ADAMTS3: variants seen among roughly 807,000 people sequenced by gnomAD.
ADAMTS3 encodes the protein A disintegrin and metalloproteinase with thrombospondin motifs 3.
In ADAMTS3, 73 loss-of-function variants were observed where a neutral mutation model predicts 129.0. The observed-to-expected ratio is 0.57, with a 90% CI of 0.47 to 0.69. The LOEUF is 0.69. ADAMTS3 is among the 30% of genes least tolerant of loss of function. The probability of loss-of-function intolerance (pLI) is 0.00; values close to 1 mark genes in which losing one functional copy is unlikely to be tolerated. For synonymous variants in ADAMTS3, 477 were observed against 510.8 expected (o/e 0.93, Z 0.89); for missense variants, 1,457 against 1,514.5 (o/e 0.96, Z 0.63).
intron 3 of ADAMTS3, among the ~76,000 whole-genome samples, chr4:72,542,367 C>T (rs1358080884): frequency 1.3e-4 from 20 of 152,052 alleles, no homozygotes; most frequent in Non-Finnish European, 2.1e-4. Context: ...GGTTTCACCA[C>T]GTTAGCCAGG....
At chr4:72,410,197 A>T (rs566334855) in intron 4 of ADAMTS3, among the ~76,000 whole-genome samples, 1 of 152,268 alleles carries the variant, frequency 6.6e-6, no homozygotes, top group East Asian at 1.9e-4. Context: ...TGGGCCTAGG[A>T]AGTCCCTAGG....
intron 3 of ADAMTS3, among the ~76,000 whole-genome samples, chr4:72,531,594 G>C (rs1721043382): frequency 6.6e-6 from 1 of 152,150 alleles, no homozygotes; most frequent in African/African-American, 2.4e-5. Context: ...CCCAAGAAGA[G>C]TGATGGTCCT....
chr4:72,514,580 T>A (rs1419803048), intron 3 of ADAMTS3, among the ~76,000 whole-genome samples: 1 of 152,122 alleles, frequency 6.6e-6, no homozygotes, highest in Non-Finnish European at 1.5e-5. Flanking sequence ...TCTACCAGCT[T>A]TGCCACGTAC....
At chr4:72,567,226 GGAAGA>G (rs1722039488) in intron 2 of ADAMTS3, 143 bp downstream of exon 2, 2 of 786,320 alleles carry the variant, frequency 2.5e-6, no homozygotes, top group Non-Finnish European at 4.0e-6. Flanking sequence ...TCCAGAAAGA[GGAAGA>G]GAAGAACAGA....
intron 4 of ADAMTS3, among the ~76,000 whole-genome samples, chr4:72,408,317 G>T (rs943488798): frequency 6.6e-6 from 1 of 151,978 alleles, no homozygotes; most frequent in Non-Finnish European, 1.5e-5. Context: ...TCTGAAGACA[G>T]AGGGTAGTGA....
At chr4:72,431,829 A>G (rs1479236302) in intron 3 of ADAMTS3, among the ~76,000 whole-genome samples, 1 of 151,988 alleles carries the variant, frequency 6.6e-6, no homozygotes, top group Non-Finnish European at 1.5e-5. Context: ...ATTTATATAT[A>G]CTTAAAATAA....
At chr4:72,562,268 A>G (rs1431882614) in intron 2 of ADAMTS3, among the ~76,000 whole-genome samples, 2 of 152,172 alleles carry the variant, frequency 1.3e-5, no homozygotes, top group African/African-American at 4.8e-5. Flanking sequence ...ATACTTTCCT[A>G]AGTTGCTAGT....
intron 17 of ADAMTS3, among the ~76,000 whole-genome samples, chr4:72,299,863 A>G (rs578115989): frequency 6.6e-6 from 1 of 152,242 alleles, no homozygotes; most frequent in East Asian, 1.9e-4. Context: ...TTTTTGTAAT[A>G]TGAGTTGCAA....
intron 2 of ADAMTS3, among the ~76,000 whole-genome samples, chr4:72,549,106 T>C (rs905417268): frequency 7.2e-5 from 11 of 152,198 alleles, no homozygotes; most frequent in Non-Finnish European, 1.3e-4. Context: ...CTTAAAATAG[T>C]ATTAAAATTA....
intron 3 of ADAMTS3, among the ~76,000 whole-genome samples, chr4:72,519,098 G>A (rs578232927): frequency 6.6e-6 from 1 of 151,422 alleles, no homozygotes; most frequent in African/African-American, 2.4e-5. Context: ...CACTTATGAA[G>A]CTTAGTTTGG....
At chr4:72,288,986 A>G in intron 20 of ADAMTS3, 118 bp from the exon 21 acceptor site, 1 of 681,596 alleles carries the variant, frequency 1.5e-6, no homozygotes. Flanking sequence ...AGAGATCTGG[A>G]GTGGGTTCTC....
At chr4:72,487,540 G>C (rs1196151218) in intron 3 of ADAMTS3, among the ~76,000 whole-genome samples, 1 of 152,102 alleles carries the variant, frequency 6.6e-6, no homozygotes, top group Non-Finnish European at 1.5e-5. Context: ...TGGGCAATCA[G>C]TTATACCACT....
chr4:72,526,570 A>ATGTGTGTGTGTGTGTG lies in ADAMTS3; in HGVS notation c.504+21892_504+21907dup, dbSNP rs56774889. Among the ~76,000 whole-genome samples, 7 of 132,062 alleles carry ATGTGTGTGTGTGTGTG rather than the reference A, an allele frequency of 5.3e-5. No homozygotes were observed. The East Asian group carries it at 8.9e-4, about 17-fold the overall frequency. The allele number at this position is 132,062 out of a possible 152,430, so 86.6% of individuals were successfully genotyped here. A position where few individuals can be genotyped will look rare whatever the true frequency, so the allele number is the denominator to read the frequency against. The stretch of plus-strand genomic sequence containing the variant: ...TTAATAAAATATACTAATGAAATTT[A>ATGTGTGTGTGTGTGTG]TGTGTGTGTGTGTGTGTGTGTGTGT... On this transcript the variant is annotated intron_variant, in intron 3 of 21. Transcript: ENST00000286657.
At chr4:72,346,237 T>C (rs1720280834) in intron 4 of ADAMTS3, among the ~76,000 whole-genome samples, 1 of 152,110 alleles carries the variant, frequency 6.6e-6, no homozygotes, top group Admixed American at 6.6e-5. Context: ...TAACTCCATG[T>C]TTCAGTGGCC....
At chr4:72,532,309 C>T (rs1240385183) in intron 3 of ADAMTS3, among the ~76,000 whole-genome samples, 2 of 151,994 alleles carry the variant, frequency 1.3e-5, no homozygotes, top group Non-Finnish European at 1.5e-5. Flanking sequence ...GTCAGAAGCC[C>T]CTTAGGGAAA....
intron 2 of ADAMTS3, among the ~76,000 whole-genome samples, chr4:72,555,218 C>T (rs1005261962): frequency 7.9e-5 from 12 of 151,722 alleles, no homozygotes; most frequent in South Asian, 2.1e-4. Context: ...TAACTTAACC[C>T]AAATAAAAAC....
chr4:72,360,536 T>C (rs1334932497), intron 4 of ADAMTS3, among the ~76,000 whole-genome samples: 2 of 111,800 alleles, frequency 1.8e-5, no homozygotes, highest in Non-Finnish European at 3.1e-5. Context: ...TAATGAATGG[T>C]TTTTTTTGAA....
chr4:72,469,177 G>A (rs1177084985), intron 3 of ADAMTS3, among the ~76,000 whole-genome samples: 2 of 152,052 alleles, frequency 1.3e-5, no homozygotes, highest in Admixed American at 6.6e-5. Flanking sequence ...GACTATACAC[G>A]TGTATATTCA....
chr4:72,369,669 C>T (rs1720955211), intron 4 of ADAMTS3, among the ~76,000 whole-genome samples: 1 of 151,170 alleles, frequency 6.6e-6, no homozygotes, highest in South Asian at 2.1e-4. Flanking sequence ...CAAGATTGCA[C>T]CACTGCACTC....
Sources: gnomAD v4.1 joint callset for allele counts (sites outside exome capture counted in the v4.1 genomes callset) on GRCh38, gnomAD v4.1.1 for gene constraint, MANE v1.5 for transcripts, NCBI Gene and HGNC (gene_info 2026-07-23, HGNC 2026-07-21) for gene names.